SND1: variants seen among roughly 807,000 people sequenced by gnomAD.
SND1 encodes the protein staphylococcal nuclease and tudor domain containing 1.
SND1 carries 38 observed loss-of-function variants against 121.7 expected under a neutral mutation model. The observed-to-expected ratio is 0.31, with a 90% confidence interval of 0.24 to 0.41. The LOEUF is 0.41. SND1 is among the 10% of genes least tolerant of loss of function. The pLI is 1.00. For missense variants in SND1, 868 were observed against 1,184.6 expected, an observed-to-expected ratio of 0.73 and a Z score of 3.92; for synonymous variants, 401 against 447.4, an observed-to-expected ratio of 0.90 and a Z score of 1.31.
intron 9 of SND1, among the ~76,000 whole-genome samples, chr7:127,714,045 GC>G (rs1350296278): frequency 1.3e-5 from 2 of 151,898 alleles, no homozygotes. Flanking sequence ...GGATCCTTGG[GC>G]ATTGCAGATT....
intron 10 of SND1, among the ~76,000 whole-genome samples, chr7:127,727,199 C>A (rs1019664697): frequency 1.3e-5 from 2 of 152,142 alleles, no homozygotes; most frequent in Middle Eastern, 3.2e-3. Context: ...GTCCTTGTTG[C>A]CTTTGTTTGG....
At position 128,020,928 on chromosome 7, in the gene SND1, A is replaced by G. The variant is rs562588338; in HGVS notation, c.1779+29872A>G. On this transcript the variant is annotated intron_variant, in intron 16 of 23. Coordinates refer to ENST00000354725, the MANE Select transcript of SND1 (RefSeq NM_014390.4). ...ATGAGAGAAACAAAATGAAATGCAAACATGCTTTGAAAGAGCACAGTCTTG... is the reference window on the plus strand; with the variant it reads ...ATGAGAGAAACAAAATGAAATGCAAGCATGCTTTGAAAGAGCACAGTCTTG... Among the ~76,000 whole-genome samples the G allele has an allele frequency of 9.4e-4, 143 of 152,232 alleles. 3 individuals are homozygous for G. The South Asian group carries it at 0.028, about 30-fold the overall frequency.
intron 15 of SND1, among the ~76,000 whole-genome samples, chr7:127,962,949 G>C (rs1801767709): frequency 6.6e-6 from 1 of 152,204 alleles, no homozygotes. Flanking sequence ...ATCTCTTAGA[G>C]TCTGTAAAAA....
chr7:127,755,444 C>G (rs1797177809), intron 10 of SND1, among the ~76,000 whole-genome samples: 1 of 152,162 alleles, frequency 6.6e-6, no homozygotes, highest in Non-Finnish European at 1.5e-5. Flanking sequence ...ATGCTAAAAC[C>G]CGGTGTAAAA....
chr7:127,755,479 C>A (rs1321797770), intron 10 of SND1, among the ~76,000 whole-genome samples: 1 of 152,246 alleles, frequency 6.6e-6, no homozygotes, highest in African/African-American at 2.4e-5. Context: ...TTACCCTTGC[C>A]AGCCAAACTG....
At chr7:127,703,476 G>C (rs1014655018) in intron 7 of SND1, among the ~76,000 whole-genome samples, 153 bp downstream of exon 7, 1 of 152,212 alleles carries the variant, frequency 6.6e-6, no homozygotes, top group African/African-American at 2.4e-5. Flanking sequence ...CACTTTGGGA[G>C]GCCAAGGCGG....
At chr7:127,888,123 A>C in intron 13 of SND1, 111 bp downstream of exon 13, 1 of 619,686 alleles carries the variant, frequency 1.6e-6, no homozygotes. Context: ...ATGCTGAGAA[A>C]GCATGTATTA....
intron 10 of SND1, among the ~76,000 whole-genome samples, chr7:127,733,527 T>A (rs940870827): frequency 1.3e-5 from 2 of 152,192 alleles, no homozygotes; most frequent in Admixed American, 6.5e-5. Context: ...AGGGAAATTA[T>A]GTCCATATAT....
intron 9 of SND1, among the ~76,000 whole-genome samples, chr7:127,719,445 T>C (rs539409325): frequency 3.9e-5 from 6 of 152,296 alleles, no homozygotes; most frequent in African/African-American, 1.4e-4. Flanking sequence ...GCTGTTTGGT[T>C]TGGGGTAGCT....
At chr7:128,089,894 G>T (rs1371997965) in intron 22 of SND1, 2 of 573,144 alleles carry the variant, frequency 3.5e-6, no homozygotes, top group East Asian at 6.1e-5. Context: ...TGCGGGTTTG[G>T]CTGAGAATGC....
At chr7:127,891,055 T>C (rs1399891457) in intron 13 of SND1, among the ~76,000 whole-genome samples, 1 of 152,102 alleles carries the variant, frequency 6.6e-6, no homozygotes, top group African/African-American at 2.4e-5. Flanking sequence ...TTTGGAGCAG[T>C]CTTGTCAGTG....
chr7:128,077,949 TC>T (rs1793534115), intron 17 of SND1, among the ~76,000 whole-genome samples: 1 of 152,206 alleles, frequency 6.6e-6, no homozygotes, highest in Admixed American at 6.5e-5. Flanking sequence ...CCTTGTCATC[TC>T]CCCAGAGGTC....
At chr7:127,967,177 G>A (rs1801872117) in intron 15 of SND1, among the ~76,000 whole-genome samples, 3 of 152,148 alleles carry the variant, frequency 2.0e-5, no homozygotes, top group South Asian at 2.1e-4. Context: ...GTTGGTGAGA[G>A]TGCTGGAGAA....
intron 10 of SND1, among the ~76,000 whole-genome samples, chr7:127,800,097 A>G (rs1798100451): frequency 6.6e-6 from 1 of 152,220 alleles, no homozygotes; most frequent in South Asian, 2.1e-4. Flanking sequence ...AAGGTCCTTA[A>G]TTGTAAATAT....
intron 15 of SND1, among the ~76,000 whole-genome samples, chr7:127,959,786 A>T (rs1163608694): frequency 6.6e-6 from 1 of 152,086 alleles, no homozygotes; most frequent in East Asian, 1.9e-4. Context: ...TGTTTTGTTC[A>T]TTGCTATGTA....
intron 10 of SND1, among the ~76,000 whole-genome samples, chr7:127,767,870 A>G (rs1380509402): frequency 6.6e-6 from 1 of 152,192 alleles, no homozygotes; most frequent in Non-Finnish European, 1.5e-5. Context: ...TACGCATGTT[A>G]GGAATTGCCC....
intron 16 of SND1, among the ~76,000 whole-genome samples, chr7:128,071,844 C>G (rs1793417633): frequency 6.6e-6 from 1 of 152,234 alleles, no homozygotes; most frequent in African/African-American, 2.4e-5. Flanking sequence ...TTATCGCCAT[C>G]TACAACCCAG....
At chr7:127,723,603 A>G (rs1167052762) in intron 10 of SND1, among the ~76,000 whole-genome samples, 1 of 152,220 alleles carries the variant, frequency 6.6e-6, no homozygotes, top group Non-Finnish European at 1.5e-5. Flanking sequence ...ATGTAGTGGT[A>G]GAAGGTACCC....
intron 11 of SND1, among the ~76,000 whole-genome samples, chr7:127,824,791 C>T (rs1368166090): frequency 6.6e-6 from 1 of 151,876 alleles, no homozygotes; most frequent in Non-Finnish European, 1.5e-5. Flanking sequence ...CTGTTGTTTA[C>T]CATCCTGTTT....
Sources: gnomAD v4.1 joint callset for allele counts (sites outside exome capture counted in the v4.1 genomes callset) on GRCh38, gnomAD v4.1.1 for gene constraint, MANE v1.5 for transcripts, NCBI Gene and HGNC (gene_info 2026-07-23, HGNC 2026-07-21) for gene names.